The following NRK variants were observed in gnomAD, a reference collection of about 807,000 sequenced individuals.
NRK encodes nik-related protein kinase.
A neutral mutation model predicts 125.2 loss-of-function variants in NRK; 67 were observed. The observed-to-expected ratio is 0.54, with a 90% CI of 0.44 to 0.66. NRK has a LOEUF of 0.66. Among genes scored for constraint, NRK ranks in the 30% least tolerant of loss-of-function variants. NRK has a pLI of 0.00. For missense variants in NRK, 1,224 were observed against 1,192.9 expected (o/e 1.03, Z -0.38); for synonymous variants, 458 against 429.0 (o/e 1.07, Z -0.84).
intron 2 of NRK, among the ~76,000 whole-genome samples, chrX:105,854,833 T>G (rs2039513849): frequency 8.9e-6 from 1 of 111,828 alleles, no homozygotes; most frequent in African/African-American, 3.2e-5. Flanking sequence ...AGACCTGGAT[T>G]TTAACTTTTA....
chrX:105,945,292 G>A (rs2040798192), intron 24 of NRK, among the ~76,000 whole-genome samples: 1 of 111,820 alleles, frequency 8.9e-6, no homozygotes, highest in Non-Finnish European at 1.9e-5. Context: ...CCTGACAGAC[G>A]CAGCAAGGTA....
chrX:105,909,558 G>A lies in NRK; in HGVS notation c.1917G>A (p.Leu639=). 1 of 1,208,949 alleles carries A rather than the reference G, an allele frequency of 8.3e-7. No homozygotes were observed. Among genetic ancestry groups the A allele is most frequent in the South Asian group, 1.8e-5 (1 of 56,462 alleles). Residue 639 remains leucine, a synonymous_variant, in exon 13 of 29, where the codon CTG becomes CTA. Coordinates refer to ENST00000243300, the MANE Select transcript of NRK (RefSeq NM_198465.4). Reference sequence around the variant, plus strand: ...AGGCAATTGGCTCAGTTCAAGCACTGATAGAGGGACTATCAAGAGACTTGC... The same window carrying A: ...AGGCAATTGGCTCAGTTCAAGCACTAATAGAGGGACTATCAAGAGACTTGC... ...PPQAIGSVQA[L]IEGLSRDLLR...
intron 28 of NRK, among the ~76,000 whole-genome samples, chrX:105,954,823 CTCATTTTA>C (rs2040953312): frequency 8.9e-6 from 1 of 111,751 alleles, no homozygotes; most frequent in Non-Finnish European, 1.9e-5. Flanking sequence ...CTGGGTTTAA[CTCATTTTA>C]TCAATCTATT....
chrX:105,942,528 A>T (rs1474348207), intron 23 of NRK, among the ~76,000 whole-genome samples: 2 of 112,068 alleles, frequency 1.8e-5, no homozygotes, highest in Admixed American at 1.9e-4. Context: ...ATTTGGAGAC[A>T]TGTCTATTCA....
At chrX:105,836,006 G>A (rs2039260517) in intron 2 of NRK, among the ~76,000 whole-genome samples, 1 of 111,589 alleles carries the variant, frequency 9.0e-6, no homozygotes, top group Non-Finnish European at 1.9e-5. Context: ...AAATTTAGTT[G>A]AATTCTTTAT....
chrX:105,948,746 G>A (rs1170222831), intron 26 of NRK: 2 of 475,456 alleles, frequency 4.2e-6, no homozygotes, highest in Admixed American at 3.1e-5. Context: ...CCTGGCCTGA[G>A]TACGCTGGGT....
intron 2 of NRK, among the ~76,000 whole-genome samples, chrX:105,873,931 T>C (rs2039781123): frequency 8.9e-6 from 1 of 112,408 alleles, no homozygotes. Context: ...AATATATTAC[T>C]AGACTTTAAG....
chrX:105,921,779 C>CT (rs1341738223), intron 16 of NRK, among the ~76,000 whole-genome samples, 185 bp from the exon 17 acceptor site: 1 of 107,986 alleles, frequency 9.3e-6, no homozygotes, highest in East Asian at 2.9e-4. Context: ...GCTAATACCC[C>CT]TGAAAAGAGA....
At chrX:105,847,832 A>G (rs915489722) in intron 2 of NRK, among the ~76,000 whole-genome samples, 1 of 111,792 alleles carries the variant, frequency 8.9e-6, no homozygotes, top group Non-Finnish European at 1.9e-5. Flanking sequence ...TTGGCATCAC[A>G]TAAATCTGAT....
At chrX:105,898,841 G>A in intron 8 of NRK, 127 bp downstream of exon 8, 4 of 476,063 alleles carry the variant, frequency 8.4e-6, no homozygotes, top group Non-Finnish European at 3.3e-6. Flanking sequence ...ATGCTAGTAG[G>A]AAATACAAGC....
At chrX:105,908,357 G>A (rs1306799944) in intron 12 of NRK, 54 bp downstream of exon 12, 12 of 603,717 alleles carry the variant, frequency 2.0e-5, no homozygotes, top group Middle Eastern at 4.7e-4. Context: ...ACATAAGGCC[G>A]TTGATTCCAT....
Position 105,822,912 on chromosome X carries a change from G to T in NRK, c.57+10G>T. On this transcript the variant is annotated intron_variant, in intron 1 of 28. Transcript: ENST00000243300. Reference sequence around the variant, plus strand: ...TCTGGGCCACCTGCCGGTGAGTAGAGGACGCCCGTCGCCCCCCGAAATGCT... The same window carrying T: ...TCTGGGCCACCTGCCGGTGAGTAGATGACGCCCGTCGCCCCCCGAAATGCT... The T allele has an allele frequency of 8.7e-7, 1 of 1,155,859 alleles. No individual in the cohort carries two copies. The highest frequency in any genetic ancestry group is 2.6e-5 in the Admixed American group (1 of 38,853).
chrX:105,940,063 T>C, intron 23 of NRK, 31 bp downstream of exon 23: 1 of 1,055,327 alleles, frequency 9.5e-7, no homozygotes, highest in Non-Finnish European at 1.3e-6. Context: ...ACTACAGCTA[T>C]ATAAATTTTG....
chrX:105,948,973 T>C (rs371692671), intron 26 of NRK, among the ~76,000 whole-genome samples: 4 of 111,638 alleles, frequency 3.6e-5, no homozygotes, highest in East Asian at 5.6e-4. Context: ...TGTCTTTGAA[T>C]GTGTATCTTA....
chrX:105,822,875 G>T lies in NRK; in HGVS notation c.30G>T (p.Arg10Ser), dbSNP rs374698660. MAGPGGWRD[R>S]EVTDLGHLPD... The stretch of plus-strand genomic sequence containing the variant: ...CGGGACCTGGGGGCTGGAGGGACAG[G>T]GAGGTCACGGATCTGGGCCACCTGC... Residue 10 changes from arginine to serine, a missense_variant, in exon 1 of 29, where the codon AGG (arginine) becomes AGT (serine). By Grantham distance (110) the Arg-to-Ser change is moderately radical (BLOSUM62 -1). Coordinates refer to ENST00000243300, the MANE Select transcript of NRK (RefSeq NM_198465.4). 7 of 1,170,648 alleles carry T rather than the reference G, an allele frequency of 6.0e-6. No homozygotes were observed. The African/African-American group carries it at 1.2e-4, about 21-fold the overall frequency.
chrX:105,953,992 C>T (rs2040938684), intron 28 of NRK, among the ~76,000 whole-genome samples: 2 of 110,727 alleles, frequency 1.8e-5, no homozygotes, highest in South Asian at 7.8e-4. Flanking sequence ...TTCAGGTCAG[C>T]GAGACCTAGA....
At chrX:105,840,276 A>G (rs1021840530) in intron 2 of NRK, among the ~76,000 whole-genome samples, 2 of 111,859 alleles carry the variant, frequency 1.8e-5, no homozygotes, top group Non-Finnish European at 3.8e-5. Context: ...GCTCCCAAGA[A>G]GTCATAATTA....
intron 2 of NRK, among the ~76,000 whole-genome samples, chrX:105,863,321 G>GACACACAC (rs769445045): frequency 0.04 from 2,416 of 60,407 alleles, 40 homozygotes; most frequent in African/African-American, 0.11. Context: ...AATAGTAACA[G>GACACACAC]ACACACACAC....
At chrX:105,883,293 G>A (rs1429321690) in intron 4 of NRK, among the ~76,000 whole-genome samples, 3 of 112,260 alleles carry the variant, frequency 2.7e-5, no homozygotes, top group African/African-American at 9.7e-5. Flanking sequence ...CTCTTAAAAG[G>A]TTTTTCTAGT....
Sources: allele counts gnomAD v4.1 joint callset (sites outside exome capture counted in the v4.1 genomes callset), GRCh38; gene constraint gnomAD v4.1.1; transcripts MANE v1.5; gene names NCBI Gene and HGNC (gene_info 2026-07-23, HGNC 2026-07-21).